DGKH: variants seen among roughly 807,000 people sequenced by gnomAD.
DGKH encodes the protein diacylglycerol kinase eta, also known as DAG kinase eta.
In DGKH, 90 loss-of-function variants were observed where a neutral mutation model predicts 159.3. The observed-to-expected ratio is 0.57, with a 90% confidence interval of 0.48 to 0.67. The LOEUF is 0.67. Among genes scored for constraint, DGKH ranks in the 30% least tolerant of loss-of-function variants. DGKH has a pLI of 0.00. For synonymous variants in DGKH, 536 were observed against 553.8 expected (o/e 0.97, Z 0.45); for missense variants, 1,181 against 1,506.1 (o/e 0.78, Z 3.57).
intron 1 of DGKH, among the ~76,000 whole-genome samples, chr13:42,065,628 G>A (rs946699092): frequency 6.6e-6 from 1 of 152,154 alleles, no homozygotes; most frequent in Admixed American, 6.5e-5. Context: ...TGAGTCACAG[G>A]AACTTTACTT....
intron 3 of DGKH, among the ~76,000 whole-genome samples, chr13:42,144,416 G>A (rs1173022940): frequency 6.6e-6 from 1 of 152,146 alleles, no homozygotes; most frequent in Non-Finnish European, 1.5e-5. Context: ...GCCAGACCCG[G>A]TGGCTCACGC....
chr13:42,166,748 C>T, intron 9 of DGKH, 74 bp downstream of exon 9: 3 of 1,300,840 alleles, frequency 2.3e-6, no homozygotes, highest in Non-Finnish European at 3.0e-6. Flanking sequence ...TTTTTCAGCT[C>T]ATGAAAATTA....
chr13:42,147,351 A>T (rs1955761999), intron 3 of DGKH, among the ~76,000 whole-genome samples: 1 of 152,200 alleles, frequency 6.6e-6, no homozygotes, highest in African/African-American at 2.4e-5. Flanking sequence ...GGCTTAAAGT[A>T]CTTTTTTGCT....
At chr13:42,042,676 T>C (rs964752053) in intron 1 of DGKH, among the ~76,000 whole-genome samples, 1 of 152,234 alleles carries the variant, frequency 6.6e-6, no homozygotes, top group Non-Finnish European at 1.5e-5. Context: ...ATCCTTGACC[T>C]CAGAAAGCTA....
intron 1 of DGKH, among the ~76,000 whole-genome samples, chr13:42,105,090 T>A (rs1954722456): frequency 6.6e-6 from 1 of 152,162 alleles, no homozygotes; most frequent in African/African-American, 2.4e-5. Flanking sequence ...TGTTTAGTGC[T>A]GCTATAATAG....
intron 1 of DGKH, among the ~76,000 whole-genome samples, chr13:42,055,910 G>A (rs1193894858): frequency 3.9e-5 from 6 of 152,308 alleles, no homozygotes; most frequent in African/African-American, 1.2e-4. Context: ...AGCAATTTGG[G>A]AGGCTGAGCT....
intron 9 of DGKH, among the ~76,000 whole-genome samples, chr13:42,168,150 C>T (rs565337706): frequency 1.6e-4 from 24 of 152,332 alleles, no homozygotes; most frequent in African/African-American, 5.5e-4. Context: ...CTTCCACCAT[C>T]TTGTATTACT....
At position 42,197,956 on chromosome 13, in the gene DGKH, T is replaced by C. The variant is rs1594190408; in HGVS notation, c.2168-522T>C. On this transcript the variant is annotated intron_variant, in intron 17 of 29. Coordinates refer to ENST00000337343, the MANE Select transcript of DGKH (RefSeq NM_178009.5). ...TTTTTTATATTTAATACTATATTCTTCTAAAATTCACAGATACCTACATTT... is the reference window on the plus strand; with the variant it reads ...TTTTTTATATTTAATACTATATTCTCCTAAAATTCACAGATACCTACATTT... Among the ~76,000 whole-genome samples, 3 of 152,198 alleles carry C rather than the reference T, an allele frequency of 2.0e-5. No individual in the cohort carries two copies. In the South Asian group the frequency reaches 6.2e-4, roughly 32 times the overall value.
At chr13:42,159,020 T>A (rs932824283) in intron 5 of DGKH, among the ~76,000 whole-genome samples, 1 of 152,182 alleles carries the variant, frequency 6.6e-6, no homozygotes, top group African/African-American at 2.4e-5. Flanking sequence ...CATTTATTTC[T>A]TTTCTGTTCC....
intron 1 of DGKH, among the ~76,000 whole-genome samples, chr13:42,119,949 A>G (rs1594053699): frequency 6.6e-6 from 1 of 152,302 alleles, no homozygotes; most frequent in East Asian, 1.9e-4. Flanking sequence ...TTAAATACTG[A>G]TAATACAAAC....
intron 3 of DGKH, among the ~76,000 whole-genome samples, chr13:42,135,521 A>G (rs1038944628): frequency 4.0e-5 from 6 of 150,296 alleles, no homozygotes; most frequent in Non-Finnish European, 7.4e-5. Context: ...GAGAGAGAGA[A>G]AAAGAAAAAA....
upstream of DGKH, among the ~76,000 whole-genome samples, chr13:42,045,762 G>A (rs139332440): frequency 9.2e-5 from 14 of 152,318 alleles, no homozygotes; most frequent in East Asian, 2.7e-3. Context: ...GATATAAAAT[G>A]TAACATTCTG....
chr13:42,041,380 G>A (rs1400858445), intron 1 of DGKH, among the ~76,000 whole-genome samples: 2 of 152,142 alleles, frequency 1.3e-5, no homozygotes, highest in Non-Finnish European at 2.9e-5. Context: ...AGCGCGGCGC[G>A]GAGCCCAGAA....
chr13:42,255,183 C>A (rs1958648946), intron 30 of DGKH, among the ~76,000 whole-genome samples: 1 of 151,240 alleles, frequency 6.6e-6, no homozygotes, highest in Non-Finnish European at 1.5e-5. Context: ...GGGAACATAT[C>A]TTTTAACCAT....
Position 42,221,090 on chromosome 13 carries a change from G to T in DGKH, c.3443-174G>T. 3 of 760,894 alleles carry T rather than the reference G, an allele frequency of 3.9e-6. No individual in the cohort carries two copies. The South Asian group carries it at 5.9e-5, about 15-fold the overall frequency. 47.1% of individuals were successfully genotyped at this position (760,894 alleles called of 1,614,324 possible). A position where few individuals can be genotyped will look rare whatever the true frequency, so the allele number is the denominator to read the frequency against. Reference sequence around the variant, plus strand: ...ATAGTCGGATCCTTGTGTTGATAGTGTGTAACTTGCATGGGAAAAAGTGGA... The same window carrying T: ...ATAGTCGGATCCTTGTGTTGATAGTTTGTAACTTGCATGGGAAAAAGTGGA... On this transcript the variant is annotated intron_variant, in intron 28 of 29. Transcript: ENST00000337343.
chr13:42,198,334 T>C, intron 17 of DGKH, 144 bp from the exon 18 acceptor site: 1 of 606,564 alleles, frequency 1.6e-6, no homozygotes, highest in Non-Finnish European at 2.9e-6. Context: ...TTAATTTTCA[T>C]TAATGAGAAG....
rs758153872 is a variant in DGKH at position 42,190,528 on chromosome 13, G to C, written c.2035+3G>C. On this transcript the variant is annotated splice_donor_region_variant and intron_variant, in intron 16 of 29. Coordinates refer to ENST00000337343, the MANE Select transcript of DGKH (RefSeq NM_178009.5). The stretch of plus-strand genomic sequence containing the variant: ...TGGTGCCAAAGAATCAATAACTGGT[G>C]AGGAAACTGGGAAAAAATTATTTTG... 19 of 1,571,186 alleles carry C rather than the reference G, an allele frequency of 1.2e-5. No individual in the cohort carries two copies. The highest frequency in any genetic ancestry group is 1.5e-5 in the Non-Finnish European group (17 of 1,165,510).
chr13:42,207,740 A>G (rs1042384714), intron 21 of DGKH, among the ~76,000 whole-genome samples: 1 of 145,314 alleles, frequency 6.9e-6, no homozygotes, highest in African/African-American at 2.5e-5. Flanking sequence ...AAGTGTTATC[A>G]CAGTCTTTAT....
upstream of DGKH, among the ~76,000 whole-genome samples, chr13:42,048,529 C>T (rs1386929226): frequency 1.3e-5 from 2 of 152,112 alleles, no homozygotes; most frequent in Non-Finnish European, 2.9e-5. The surrounding 1 kb of genome is among the most constrained non-coding windows in gnomAD (Gnocchi z 6.7). Flanking sequence ...GGGCGGGGGT[C>T]CGTTACCTCT....
Sources: gnomAD v4.1 joint callset for allele counts (sites outside exome capture counted in the v4.1 genomes callset) on GRCh38, gnomAD v4.1.1 for gene constraint, Gnocchi (gnomAD v3.1) non-coding constraint, MANE v1.5 for transcripts, NCBI Gene and HGNC (gene_info 2026-07-23, HGNC 2026-07-21) for gene names.